TCF3: variants seen among roughly 807,000 people sequenced by gnomAD.
TCF3 encodes the protein transcription factor 3.
Under a neutral mutation model 72.3 loss-of-function variants are expected in TCF3, and 54 were observed. The ratio of observed to expected loss-of-function variants is 0.75; its 90% CI spans 0.60 to 0.94. TCF3 has a LOEUF of 0.94. TCF3 is among the 40% of genes least tolerant of loss of function. TCF3 has a pLI of 0.00. For synonymous variants in TCF3, 525 were observed against 412.6 expected (o/e 1.27, Z -3.30); for missense variants, 1,078 against 934.4 (o/e 1.15, Z -2.00).
chr19:1,644,673 C>T (rs925627841), intron 3 of TCF3, among the ~76,000 whole-genome samples: 8 of 152,226 alleles, frequency 5.3e-5, no homozygotes, highest in African/African-American at 1.9e-4. Flanking sequence ...GAGAGGCAAC[C>T]CAGAGGGAGC....
chr19:1,619,422 T>C lies in TCF3; in HGVS notation c.1220A>G (p.His407Arg). The C allele has an allele frequency of 6.3e-7, 1 of 1,590,980 alleles. No homozygotes were observed. Among genetic ancestry groups the C allele is most frequent in the Non-Finnish European group, 8.5e-7 (1 of 1,175,628 alleles). Reference protein sequence around the residue: ...LDEAIHVLRSHAVGTAGDMHT... With the variant: ...LDEAIHVLRSRAVGTAGDMHT... ...CATGTCGCCGGCTGTGCCCACGGCG[T>C]GGCTGCGGAGCACGTGGATGGCCTC... Residue 407 changes from histidine to arginine, a missense_variant, in exon 15 of 19, where the codon CAC becomes CGC. Coordinates refer to ENST00000262965, the MANE Select transcript of TCF3 (RefSeq NM_003200.5).
At chr19:1,642,262 A>ACACG (rs1276647190) in intron 3 of TCF3, among the ~76,000 whole-genome samples, 3 of 151,862 alleles carry the variant, frequency 2.0e-5, no homozygotes, top group African/African-American at 4.8e-5. Flanking sequence ...ACGTGCGCAC[A>ACACG]CACGCACGCA....
intron 13 of TCF3, among the ~76,000 whole-genome samples, chr19:1,620,474 G>A (rs1173300466): frequency 2.0e-5 from 3 of 152,200 alleles, no homozygotes; most frequent in East Asian, 1.9e-4. Context: ...CAGTGGGTGA[G>A]CAAATGGCAA....
intron 8 of TCF3, among the ~76,000 whole-genome samples, chr19:1,623,648 C>T (rs751610274): frequency 2.0e-5 from 3 of 152,028 alleles, no homozygotes; most frequent in East Asian, 1.9e-4. Context: ...CCTCCCAAAG[C>T]GCTGGGATGA....
chr19:1,648,205 G>GA (rs1366336699), intron 2 of TCF3, among the ~76,000 whole-genome samples: 1 of 152,200 alleles, frequency 6.6e-6, no homozygotes, highest in Non-Finnish European at 1.5e-5. Context: ...CTGGTCCAGG[G>GA]AAGTAAGTGC....
chr19:1,615,892 G>A lies in TCF3; in HGVS notation c.1451-71C>T. On this transcript the variant is annotated intron_variant, in intron 16 of 18. Transcript: ENST00000262965. The surrounding 1 kb of genome is among the most constrained non-coding windows in gnomAD (Gnocchi z 7.3). ...AACTGACATATCTCTTTGTGCTCCTGTGGTGAGGGACTTGGGCTTTCCTGG... is the reference window on the plus strand; with the variant it reads ...AACTGACATATCTCTTTGTGCTCCTATGGTGAGGGACTTGGGCTTTCCTGG... 6.8e-7 allele frequency: 1 copy of A among 1,475,050 alleles called. No homozygotes were observed. Among genetic ancestry groups the A allele is most frequent in the South Asian group, 1.5e-5 (1 of 68,206 alleles). 91.4% of individuals were successfully genotyped at this position (1,475,050 alleles called of 1,614,324 possible).
At chr19:1,625,784 CA>C in intron 6 of TCF3, 76 bp from the exon 7 acceptor site, 1 of 1,416,856 alleles carries the variant, frequency 7.1e-7, no homozygotes, top group African/African-American at 1.5e-5. Flanking sequence ...GAAAAAACTG[CA>C]AAGGCCGAAG....
Position 1,622,194 on chromosome 19 carries a change from A to G in TCF3, c.682T>C (p.Trp228Arg). The G allele has an allele frequency of 6.4e-7, 1 of 1,563,420 alleles. No individual in the cohort carries two copies. The highest frequency in any genetic ancestry group is 8.6e-7 in the Non-Finnish European group (1 of 1,156,386). The change falls in exon 10 of 19, where the codon TGG becomes CGG. Residue 228 changes from tryptophan to arginine, a missense_variant. Coordinates refer to ENST00000262965, the MANE Select transcript of TCF3 (RefSeq NM_003200.5). ...AAGCCCGCCTGGCCCGGGGGACTCCAGAGCTCGGCTGAGGGGTGCAGGCTG... is the reference window on the plus strand; with the variant it reads ...AAGCCCGCCTGGCCCGGGGGACTCCGGAGCTCGGCTGAGGGGTGCAGGCTG... ...DGSLHPSAEL[W>R]SPPGQAGFGP... is the part of the protein sequence containing the mutation.
Position 1,611,788 on chromosome 19 carries a change from A to C in TCF3, c.1884T>G (p.Gly628=), listed in dbSNP as rs1599398416. Residue 628 remains glycine (G), a synonymous_variant, in exon 19 of 19, where the codon GGT becomes GGG. Transcript: ENST00000262965. Reference sequence around the variant, plus strand: ...GCACCATCTGGGGGTCTCCAACCACACCTGACACCTTTTCCTCTTCTCGCC... The same window carrying C: ...GCACCATCTGGGGGTCTCCAACCACCCCTGACACCTTTTCCTCTTCTCGCC... ...LKRREEEKVS[G]VVGDPQMVLS... The C allele has an allele frequency of 6.2e-7, 1 of 1,613,346 alleles. No homozygotes were observed. Among genetic ancestry groups the C allele is most frequent in the Non-Finnish European group, 8.5e-7 (1 of 1,179,874 alleles).
At position 1,623,915 on chromosome 19, in the gene TCF3, C is replaced by T. The variant is rs771645250; in HGVS notation, c.549+36G>A. On this transcript the variant is annotated intron_variant, in intron 8 of 18. Coordinates refer to ENST00000262965, the MANE Select transcript of TCF3 (RefSeq NM_003200.5). The stretch of plus-strand genomic sequence containing the variant: ...ACACAGGGCCTGGCACTGCCACTGA[C>T]GAGCTGTGGGGTCCCTTCTCCCTCG... 2.8e-5 allele frequency: 45 copies of T among 1,608,822 alleles called. No individual in the cohort carries two copies. In the East Asian group the frequency reaches 5.6e-4, roughly 20 times the overall value.
Position 1,651,370 on chromosome 19 carries a change from G to A in TCF3, c.-40+930C>T, listed in dbSNP as rs2067014814. ...TCCCCTCTTTGTCTGCCAACTGGAG[G>A]CCGGGTGTGAAGCGGGCGCCCCAGC... On this transcript the variant is annotated intron_variant, in intron 1 of 18. Coordinates refer to ENST00000262965, the MANE Select transcript of TCF3 (RefSeq NM_003200.5). 1.3e-5 allele frequency: 3 copies of A among 227,648 alleles called. 1 individual carries two copies. The highest frequency in any genetic ancestry group is 3.6e-4 in the South Asian group (2 of 5,492). The allele number at this position is 227,648 out of a possible 1,614,324, so 14.1% of individuals were successfully genotyped here.
intron 5 of TCF3, among the ~76,000 whole-genome samples, chr19:1,630,423 C>A (rs948077089): frequency 1.3e-5 from 2 of 152,210 alleles, no homozygotes; most frequent in African/African-American, 4.8e-5. Flanking sequence ...CAAAGCGAGA[C>A]AGGACCGTCC....
chr19:1,644,032 G>C (rs2065708672), intron 3 of TCF3, among the ~76,000 whole-genome samples: 1 of 152,340 alleles, frequency 6.6e-6, no homozygotes, highest in East Asian at 1.9e-4. Context: ...AAGAAGCCGA[G>C]GTTTGGGAAG....
Position 1,609,522 on chromosome 19 carries a change from TCG to T in TCF3, c.*2183_*2184del, listed in dbSNP as rs1355474647. ...CCCAGGAACTGCTGTTTCTTCCTCC[TCG>T]CGCTGGGTGAATCTCGTTTGAATTC... On this transcript the variant is annotated 3_prime_UTR_variant, in exon 19 of 19. Transcript: ENST00000262965. 3 of 209,850 alleles carry T rather than the reference TCG, an allele frequency of 1.4e-5. No individual in the cohort carries two copies. The highest frequency in any genetic ancestry group is 2.9e-5 in the Non-Finnish European group (3 of 104,022). The allele number at this position is 209,850 out of a possible 1,614,324, so 13.0% of individuals were successfully genotyped here.
chr19:1,634,209 T>G (rs770195734), intron 3 of TCF3, among the ~76,000 whole-genome samples: 1 of 152,232 alleles, frequency 6.6e-6, no homozygotes, highest in Non-Finnish European at 1.5e-5. Context: ...ATACAGTTAT[T>G]AAAATCCCCC....
chr19:1,646,860 A>G (rs566139801), intron 2 of TCF3, among the ~76,000 whole-genome samples: 1 of 152,340 alleles, frequency 6.6e-6, no homozygotes, highest in East Asian at 1.9e-4. Flanking sequence ...GGACATGTGG[A>G]GAGTCCCCGG....
At position 1,619,766 on chromosome 19, in the gene TCF3, G is replaced by C. The variant is rs2061961313; in HGVS notation, c.1167+14C>G. 1.3e-6 allele frequency: 2 copies of C among 1,547,166 alleles called. No homozygotes were observed. Among genetic ancestry groups the C allele is most frequent in the South Asian group, 2.4e-5 (2 of 84,006 alleles). ...TGTCGGGGAAGGGTGGGGTGGGGCG[G>C]GGCAGGCACTCACCAGGCCGTGGAG... On this transcript the variant is annotated intron_variant, in intron 14 of 18. Transcript: ENST00000262965.
At chr19:1,637,594 C>T (rs1387128892) in intron 3 of TCF3, among the ~76,000 whole-genome samples, 2 of 152,194 alleles carry the variant, frequency 1.3e-5, no homozygotes, top group Non-Finnish European at 2.9e-5. Context: ...ACCGGAGAAC[C>T]TGCCCCTCAA....
At chr19:1,648,175 TTC>T (rs1446539446) in intron 2 of TCF3, among the ~76,000 whole-genome samples, 2 of 152,154 alleles carry the variant, frequency 1.3e-5, no homozygotes, top group African/African-American at 4.8e-5. Context: ...GAGTTCCCTG[TTC>T]TCTCACTTTA....
Sources: gnomAD v4.1 joint callset for allele counts (sites outside exome capture counted in the v4.1 genomes callset) on GRCh38, gnomAD v4.1.1 for gene constraint, Gnocchi (gnomAD v3.1) non-coding constraint, MANE v1.5 for transcripts, NCBI Gene and HGNC (gene_info 2026-07-23, HGNC 2026-07-21) for gene names.